The following HABP2 variants were observed in gnomAD, a reference collection of about 807,000 sequenced individuals.
HABP2 encodes the protein factor VII-activating protease.
In HABP2, 65 loss-of-function variants were observed where a neutral mutation model predicts 66.5. The observed-to-expected ratio is 0.98, with a 90% confidence interval of 0.80 to 1.20. The LOEUF (loss-of-function observed/expected upper bound fraction) is 1.20. Among genes scored for constraint, HABP2 ranks in the 50% most tolerant of loss-of-function variants. The probability of loss-of-function intolerance (pLI) is 0.00; values close to 1 mark genes in which losing one functional copy is unlikely to be tolerated. For synonymous variants in HABP2, 263 were observed against 253.9 expected, an observed-to-expected ratio of 1.04 and a Z score of -0.34; for missense variants, 786 against 691.0, an observed-to-expected ratio of 1.14 and a Z score of -1.54.
chr10:113,554,447 C>T (rs1844954814), intron 1 of HABP2, among the ~76,000 whole-genome samples: 1 of 152,208 alleles, frequency 6.6e-6, no homozygotes, highest in African/African-American at 2.4e-5. Context: ...GTCAACTGTG[C>T]TCAGACACCT....
intron 1 of HABP2, among the ~76,000 whole-genome samples, chr10:113,561,717 A>T (rs1015995333): frequency 6.6e-6 from 1 of 152,134 alleles, no homozygotes; most frequent in Admixed American, 6.6e-5. Flanking sequence ...CTGCCTCCTA[A>T]TCCCTCTGAG....
At chr10:113,558,334 C>T (rs1469361523) in intron 1 of HABP2, among the ~76,000 whole-genome samples, 2 of 152,202 alleles carry the variant, frequency 1.3e-5, no homozygotes, top group Non-Finnish European at 2.9e-5. Flanking sequence ...CTTTTCTCTA[C>T]CTAAATTGAT....
rs571269808 is a variant in HABP2, at chr10:113,585,521, G to A, written c.1373-272G>A. On this transcript the variant is annotated intron_variant, in intron 11 of 12. Transcript: ENST00000351270. ...TGGGAATTTTAAAATGGTTAAGAGA[G>A]CATCTATTTCCTCCTGAACCTCATG... Among the ~76,000 whole-genome samples the A allele has an allele frequency of 2.0e-4, 30 of 152,286 alleles. No homozygotes were observed. The South Asian group carries it at 6.2e-3, about 32-fold the overall frequency.
chr10:113,570,831 G>A (rs1245793920), intron 2 of HABP2, among the ~76,000 whole-genome samples: 3 of 152,198 alleles, frequency 2.0e-5, no homozygotes, highest in Admixed American at 1.3e-4. Context: ...ATTAACTACA[G>A]GTAGGGCTTT....
At chr10:113,567,373 T>A in intron 1 of HABP2, 116 bp from the exon 2 acceptor site, 1 of 778,286 alleles carries the variant, frequency 1.3e-6, no homozygotes, top group Middle Eastern at 2.3e-4. Flanking sequence ...GCCACAACCA[T>A]CAGAAAGCAC....
At chr10:113,554,911 T>C (rs572606717) in intron 1 of HABP2, among the ~76,000 whole-genome samples, 4 of 152,300 alleles carry the variant, frequency 2.6e-5, no homozygotes, top group African/African-American at 9.6e-5. Context: ...GATTCGGGGC[T>C]TTGGAATGCT....
chr10:113,557,980 C>T lies in HABP2; in HGVS notation c.69+4790C>T, dbSNP rs11575626. 8.6e-3 allele frequency among the ~76,000 whole-genome samples: 1,303 copies of T among 152,304 alleles called. 6 individuals are homozygous for T. The highest frequency in any genetic ancestry group is 0.024 in the Middle Eastern group (7 of 294). ...ACAGCTCTGGGATTCAAGGTCTGCC[C>T]AACGCCTAGTTCTATGCTCACAAGC... On this transcript the variant is annotated intron_variant, in intron 1 of 12. Transcript: ENST00000351270.
chr10:113,563,846 A>T (rs11575644), intron 1 of HABP2, among the ~76,000 whole-genome samples: 48,336 of 151,790 alleles, frequency 0.32, 8,863 homozygotes, highest in East Asian at 0.5. Context: ...GGGAATCTCC[A>T]AAGGACTGGG....
chr10:113,564,855 G>GT (rs201115608), intron 1 of HABP2, among the ~76,000 whole-genome samples: 1 of 150,618 alleles, frequency 6.6e-6, no homozygotes, highest in Non-Finnish European at 1.5e-5. Flanking sequence ...TCTCTCTTTT[G>GT]TTTTTTTCTT....
In HABP2 at chr10:113,581,999, C is replaced by T. The variant is rs144492735; in HGVS notation, c.962C>T (p.Thr321Met). 3.0e-4 allele frequency: 482 copies of T among 1,614,202 alleles called. No homozygotes were observed. Among genetic ancestry groups the T allele is most frequent in the Middle Eastern group, 4.9e-4 (3 of 6,062 alleles). ...AGAATCTATGGAGGCTTTAAGAGCA[C>T]GGCGGGCAAGCACCCATGGCAGGCG... is the stretch of plus-strand genomic sequence containing the variant. ...IKRIYGGFKS[T>M]AGKHPWQASL... The change falls in exon 9 of 13, where the codon ACG (threonine) becomes ATG (methionine). Residue 321 changes from threonine (T) to methionine (M), a missense_variant. Thr to Met is a moderately conservative substitution (Grantham distance 81). Transcript: ENST00000351270.
intron 2 of HABP2, among the ~76,000 whole-genome samples, chr10:113,570,553 A>C (rs1845287237): frequency 6.6e-6 from 1 of 152,230 alleles, no homozygotes; most frequent in Non-Finnish European, 1.5e-5. Flanking sequence ...TCTACAATCT[A>C]CCAGTGGAAC....
intron 5 of HABP2, among the ~76,000 whole-genome samples, chr10:113,577,801 T>C (rs1268388290): frequency 1.3e-5 from 2 of 152,224 alleles, no homozygotes; most frequent in Non-Finnish European, 2.9e-5. Flanking sequence ...CTTATGCACT[T>C]AGGCATGGCC....
At chr10:113,578,537 C>G in intron 6 of HABP2, 90 bp from the exon 7 acceptor site, 1 of 833,292 alleles carries the variant, frequency 1.2e-6, no homozygotes, top group Admixed American at 2.3e-5. Flanking sequence ...AGGTCCAGTT[C>G]TCTCACCATG....
chr10:113,585,237 G>A (rs1266442535), intron 11 of HABP2, among the ~76,000 whole-genome samples: 1 of 152,172 alleles, frequency 6.6e-6, no homozygotes, highest in Non-Finnish European at 1.5e-5. Flanking sequence ...TGGTCAGCAT[G>A]GTGATGTCTC....
Position 113,588,404 on chromosome 10 carries a change from T to G in HABP2, c.*35T>G, listed in dbSNP as rs745307755. On this transcript the variant is annotated 3_prime_UTR_variant, in exon 13 of 13. Transcript: ENST00000351270. ...TTCTGGACCTCAGAGCCCACTCTCC[T>G]TGGCACCCTGACACCGGGAGGCCTC... 2.6e-6 allele frequency: 4 copies of G among 1,562,248 alleles called. No homozygotes were observed. The highest frequency in any genetic ancestry group is 3.5e-6 in the Non-Finnish European group (4 of 1,147,508).
In HABP2 at chr10:113,585,941, C is replaced by T; in HGVS notation, c.1518+3C>T. On this transcript the variant is annotated splice_donor_region_variant and intron_variant, in intron 12 of 12. Coordinates refer to ENST00000351270, the MANE Select transcript of HABP2 (RefSeq NM_004132.5). ...AACCTGGGCAAGACACCTGCCAGGT[C>T]AGAGACTCCAAGTGGTGCTTGTGGT... The T allele has an allele frequency of 1.2e-6, 2 of 1,612,982 alleles. No homozygotes were observed. Among genetic ancestry groups the T allele is most frequent in the Non-Finnish European group, 1.7e-6 (2 of 1,179,032 alleles).
intron 2 of HABP2, 21 bp from the exon 3 acceptor site, chr10:113,574,268 G>A (rs1232020320): frequency 1.7e-6 from 2 of 1,196,934 alleles, no homozygotes; most frequent in South Asian, 1.2e-5. Flanking sequence ...GATTTCTTCT[G>A]TCCTGTTACC....
intron 1 of HABP2, among the ~76,000 whole-genome samples, chr10:113,558,882 T>C (rs955357260): frequency 6.6e-6 from 1 of 151,730 alleles, no homozygotes; most frequent in African/African-American, 2.4e-5. Context: ...TTAGACGGAG[T>C]CTCGCTCTGT....
At position 113,586,461 on chromosome 10, in the gene HABP2, CGT is replaced by C. The variant is rs201960345; in HGVS notation, c.1518+537_1518+538del. ...AACTCATGATTAGGACTCATGTGTG[CGT>C]GTGTGTGTGTGTGGGGGGGGGGGGG... On this transcript the variant is annotated intron_variant, in intron 12 of 12. Coordinates refer to ENST00000351270, the MANE Select transcript of HABP2 (RefSeq NM_004132.5). Among the ~76,000 whole-genome samples, 467 of 94,478 alleles carry C rather than the reference CGT, an allele frequency of 4.9e-3. 2 individuals are homozygous for C. Among genetic ancestry groups the C allele is most frequent in the South Asian group, 9.5e-3 (19 of 2,008 alleles). 62.0% of individuals were successfully genotyped at this position (94,478 alleles called of 152,430 possible).
Sources: allele counts gnomAD v4.1 joint callset (sites outside exome capture counted in the v4.1 genomes callset), GRCh38; gene constraint gnomAD v4.1.1; transcripts MANE v1.5; gene names NCBI Gene and HGNC (gene_info 2026-07-23, HGNC 2026-07-21).